Variants in RBBP7 observed in about 807,000 individuals in gnomAD.
RBBP7 encodes RB binding protein 7, chromatin remodeling factor, also known as histone-binding protein RBBP7.
In RBBP7, 5 loss-of-function variants were observed where a neutral mutation model predicts 35.2. The observed-to-expected ratio is 0.14, with a 90% CI of 0.07 to 0.30. RBBP7 has a LOEUF of 0.30. Ranked by LOEUF, RBBP7 falls within the 10% of genes least tolerant of loss-of-function variation. The probability of loss-of-function intolerance (pLI) is 1.00; values close to 1 mark genes in which losing one functional copy is unlikely to be tolerated. For missense variants in RBBP7, 155 were observed against 327.5 expected (o/e 0.47, Z 4.07); for synonymous variants, 140 against 118.7 (o/e 1.18, Z -1.17).
intron 11 of RBBP7, 59 bp from the exon 12 acceptor site, chrX:16,845,162 G>A: frequency 1.2e-6 from 1 of 821,307 alleles, no homozygotes. Context: ...ACATGGTCAT[G>A]TAAAAACAAT....
intron 9 of RBBP7, among the ~76,000 whole-genome samples, chrX:16,850,952 T>TA (rs966595666): frequency 4.6e-5 from 5 of 109,866 alleles, no homozygotes; most frequent in African/African-American, 1.7e-4. Flanking sequence ...ATTTTTTTAG[T>TA]AAAAAATACA....
intron 10 of RBBP7, chrX:16,848,236 C>T (rs1056582651): frequency 9.0e-6 from 1 of 110,603 alleles, no homozygotes; most frequent in African/African-American, 3.3e-5. Context: ...TTTTACAAGT[C>T]TATGAATATA....
intron 2 of RBBP7, among the ~76,000 whole-genome samples, chrX:16,866,915 A>G (rs1353926205): frequency 9.0e-6 from 1 of 111,694 alleles, no homozygotes; most frequent in African/African-American, 3.3e-5. Flanking sequence ...ACCCAATCCC[A>G]CAACAGCTTT....
chrX:16,853,018 AC>A, intron 6 of RBBP7, 143 bp from the exon 7 acceptor site: 1 of 955,904 alleles, frequency 1.0e-6, no homozygotes, highest in Non-Finnish European at 1.4e-6. Flanking sequence ...GGTGATTCAG[AC>A]CTCGACCACT....
chrX:16,869,696 A>ACGCG (rs772508356), intron 1 of RBBP7: 2 of 1,019,648 alleles, frequency 2.0e-6, no homozygotes, highest in East Asian at 4.0e-5. Flanking sequence ...GAGGCGGTCA[A>ACGCG]CGCGCGCGCG....
At chrX:16,845,976 TCTC>T (rs1203006824) in intron 10 of RBBP7, 38 bp from the exon 11 acceptor site, 1 of 1,188,490 alleles carries the variant, frequency 8.4e-7, no homozygotes, top group African/African-American at 1.8e-5. Flanking sequence ...TTTCATATAC[TCTC>T]CTGTTAATCC....
At chrX:16,860,070 G>A (rs1930431864) in intron 3 of RBBP7, among the ~76,000 whole-genome samples, 1 of 109,823 alleles carries the variant, frequency 9.1e-6, no homozygotes, top group South Asian at 4.0e-4. Flanking sequence ...CTGTTCCATG[G>A]TGTCAATGGA....
At chrX:16,852,344 G>A (rs1930229050) in intron 8 of RBBP7, 1 of 536,271 alleles carries the variant, frequency 1.9e-6, no homozygotes, top group Non-Finnish European at 3.2e-6. Context: ...CTCAGCCTGG[G>A]ATCTCAATAA....
chrX:16,862,129 C>T (rs1438935310), intron 3 of RBBP7, among the ~76,000 whole-genome samples: 1 of 111,115 alleles, frequency 9.0e-6, no homozygotes, highest in African/African-American at 3.3e-5. Context: ...AGTTTGCTGC[C>T]GGAAGACACA....
Position 16,858,865 on chromosome X carries a change from A to C in RBBP7, c.308-16T>G. On this transcript the variant is annotated splice_polypyrimidine_tract_variant and intron_variant, in intron 3 of 11. Coordinates refer to ENST00000380087, the MANE Select transcript of RBBP7 (RefSeq NM_002893.4). ...CCACCAAATTCTAATGTGAGGAGAAAGAAACACACACACACACACTCAGGA... is the reference window on the plus strand; with the variant it reads ...CCACCAAATTCTAATGTGAGGAGAACGAAACACACACACACACACTCAGGA... 8.3e-7 allele frequency: 1 copy of C among 1,207,539 alleles called. No individual in the cohort carries two copies. Among genetic ancestry groups the C allele is most frequent in the Non-Finnish European group, 1.1e-6 (1 of 892,342 alleles).
At chrX:16,863,185 A>G in intron 2 of RBBP7, 85 bp from the exon 3 acceptor site, 1 of 945,476 alleles carries the variant, frequency 1.1e-6, no homozygotes, top group Non-Finnish European at 1.5e-6. Context: ...CTCAAAATAC[A>G]TTCATATTTC....
intron 5 of RBBP7, among the ~76,000 whole-genome samples, chrX:16,856,739 A>G (rs1444152197): frequency 8.9e-6 from 1 of 112,037 alleles, no homozygotes; most frequent in Non-Finnish European, 1.9e-5. Context: ...GCCACTTTGG[A>G]AAACAGTTTG....
chrX:16,844,924 C>G lies in RBBP7; in HGVS notation c.*111G>C. On this transcript the variant is annotated 3_prime_UTR_variant, in exon 12 of 12. Coordinates refer to ENST00000380087, the MANE Select transcript of RBBP7 (RefSeq NM_002893.4). ...GTGCTAGAATCAGAGGATAAAGAAG[C>G]CATAAGCCACCCCACTTACATTTCC... The G allele has an allele frequency of 1.6e-6, 1 of 611,633 alleles. No homozygotes were observed. The highest frequency in any genetic ancestry group is 2.7e-6 in the Non-Finnish European group (1 of 376,641). The allele number at this position is 611,633 out of a possible 1,213,427, so 50.4% of individuals were successfully genotyped here.
intron 2 of RBBP7, among the ~76,000 whole-genome samples, chrX:16,868,095 G>GT (rs970278046): frequency 9.0e-6 from 1 of 111,723 alleles, no homozygotes; most frequent in African/African-American, 3.3e-5. Flanking sequence ...TAAGATGCTT[G>GT]TTTTTTGTTT....
chrX:16,857,966 AC>A (rs1930387395), intron 4 of RBBP7, among the ~76,000 whole-genome samples: 1 of 110,689 alleles, frequency 9.0e-6, no homozygotes, highest in South Asian at 3.8e-4. Context: ...TATCCCCGCA[AC>A]CCCCCAATTT....
In RBBP7 at chrX:16,864,484, A is replaced by G. The variant is rs1240802653; in HGVS notation, c.162-1384T>C. 3.0e-5 allele frequency among the ~76,000 whole-genome samples: 3 copies of G among 100,683 alleles called. No individual in the cohort carries two copies. The East Asian group carries it at 9.0e-4, about 30-fold the overall frequency. The allele number at this position is 100,683 out of a possible 115,157, so 87.4% of individuals were successfully genotyped here. A position where few individuals can be genotyped will look rare whatever the true frequency, so the allele number is the denominator to read the frequency against. On this transcript the variant is annotated intron_variant, in intron 2 of 11. Transcript: ENST00000380087. ...TGGTGAGTCAAGATCTCAAGATCACACCATTGCACTCCAGCCTGGGCAACG... is the reference window on the plus strand; with the variant it reads ...TGGTGAGTCAAGATCTCAAGATCACGCCATTGCACTCCAGCCTGGGCAACG...
At position 16,860,802 on chromosome X, in the gene RBBP7, C is replaced by A. The variant is rs530402681; in HGVS notation, c.308-1953G>T. Among the ~76,000 whole-genome samples the A allele has an allele frequency of 8.1e-5, 9 of 111,525 alleles. No homozygotes were observed. In the South Asian group the frequency reaches 3.0e-3, roughly 37 times the overall value. Reference sequence around the variant, plus strand: ...TGTAACTTTAATAATATATTAACATCATTATGCAGAGACTGTTAAACTGCA... The same window carrying A: ...TGTAACTTTAATAATATATTAACATAATTATGCAGAGACTGTTAAACTGCA... On this transcript the variant is annotated intron_variant, in intron 3 of 11. Transcript: ENST00000380087.
intron 3 of RBBP7, among the ~76,000 whole-genome samples, chrX:16,862,292 G>C (rs1930495917): frequency 9.0e-6 from 1 of 110,787 alleles, no homozygotes; most frequent in South Asian, 3.8e-4. Flanking sequence ...CCAAACTTGG[G>C]GTGGTCATGG....
chrX:16,846,856 G>GT (rs1930090995), intron 10 of RBBP7: 1 of 112,041 alleles, frequency 8.9e-6, no homozygotes, highest in Non-Finnish European at 1.9e-5. Context: ...GTGGGGCTGG[G>GT]TAAAACTCAC....
Sources: gnomAD v4.1 joint callset for allele counts (sites outside exome capture counted in the v4.1 genomes callset) on GRCh38, gnomAD v4.1.1 for gene constraint, MANE v1.5 for transcripts, NCBI Gene and HGNC (gene_info 2026-07-23, HGNC 2026-07-21) for gene names.